The following SLC24A4 variants were observed in gnomAD, a reference collection of about 807,000 sequenced individuals.
The protein encoded by SLC24A4 is solute carrier family 24 member 4.
Under a neutral mutation model 79.0 loss-of-function variants are expected in SLC24A4, and 53 were observed. That is an observed-to-expected ratio of 0.67 (90% CI 0.54 to 0.84). SLC24A4 has a LOEUF of 0.84. Among genes scored for constraint, SLC24A4 ranks in the 40% least tolerant of loss-of-function variants. The probability of loss-of-function intolerance (pLI) is 0.00; values close to 1 mark genes in which losing one functional copy is unlikely to be tolerated. For missense variants in SLC24A4, 731 were observed against 822.0 expected (o/e 0.89, Z 1.35); for synonymous variants, 323 against 323.8 (o/e 1.00, Z 0.03).
chr14:92,469,991 G>A (rs1266000736), intron 12 of SLC24A4, among the ~76,000 whole-genome samples: 2 of 152,208 alleles, frequency 1.3e-5, no homozygotes, highest in Non-Finnish European at 2.9e-5. Flanking sequence ...AGTGGTCATA[G>A]TTACACAACT....
chr14:92,359,343 A>G (rs1887363997), intron 2 of SLC24A4, among the ~76,000 whole-genome samples: 1 of 152,160 alleles, frequency 6.6e-6, no homozygotes, highest in Non-Finnish European at 1.5e-5. Context: ...TGGGAGGCCA[A>G]GGCAGGCGGA....
At chr14:92,428,556 A>G (rs1049698639) in intron 2 of SLC24A4, among the ~76,000 whole-genome samples, 18 of 152,220 alleles carry the variant, frequency 1.2e-4, no homozygotes, top group African/African-American at 3.9e-4. Context: ...ACCTGGATGG[A>G]TGGGAGGCCA....
At chr14:92,487,313 G>T (rs1895421829) in intron 14 of SLC24A4, among the ~76,000 whole-genome samples, 1 of 152,184 alleles carries the variant, frequency 6.6e-6, no homozygotes, top group Admixed American at 6.5e-5. Flanking sequence ...AACAAGTGCA[G>T]GTTTTACTGA....
At chr14:92,456,765 C>G (rs1893497938) in intron 12 of SLC24A4, among the ~76,000 whole-genome samples, 157 bp downstream of exon 12, 1 of 152,216 alleles carries the variant, frequency 6.6e-6, no homozygotes, top group South Asian at 2.1e-4. Flanking sequence ...GGAGGCGAAT[C>G]TGTCCTCAGT....
At chr14:92,432,080 G>A (rs1490589041) in intron 2 of SLC24A4, among the ~76,000 whole-genome samples, 4 of 152,168 alleles carry the variant, frequency 2.6e-5, no homozygotes, top group Admixed American at 6.5e-5. Context: ...GGATGGGTAC[G>A]GAGGATGGTG....
At chr14:92,483,015 TG>T (rs1895149151) in intron 13 of SLC24A4, among the ~76,000 whole-genome samples, 169 bp downstream of exon 13, 1 of 3,184 alleles carries the variant, frequency 3.1e-4, no homozygotes, top group South Asian at 0.17. Flanking sequence ...TGCATGACTC[TG>T]TGTCAGGTAC....
rs113184459 is a variant in SLC24A4 at position 92,396,639 on chromosome 14, G to A, written c.242-37273G>A. ...AAAACACACCTGCTGCTGCTTTGCCGCAACAGTTTACTTCTAGAGCATCTG... is the reference window on the plus strand; with the variant it reads ...AAAACACACCTGCTGCTGCTTTGCCACAACAGTTTACTTCTAGAGCATCTG... On this transcript the variant is annotated intron_variant, in intron 2 of 16. Transcript: ENST00000532405. Among the ~76,000 whole-genome samples the A allele has an allele frequency of 9.6e-3, 1,456 of 152,258 alleles. 19 individuals are homozygous for A. The highest frequency in any genetic ancestry group is 0.033 in the African/African-American group (1,361 of 41,532).
At chr14:92,341,406 T>G (rs1886134095) in intron 2 of SLC24A4, among the ~76,000 whole-genome samples, 2 of 152,132 alleles carry the variant, frequency 1.3e-5, no homozygotes, top group Non-Finnish European at 2.9e-5. Flanking sequence ...AGAAGCCCGG[T>G]GCCCAGAAAG....
At position 92,400,225 on chromosome 14, in the gene SLC24A4, G is replaced by C. The variant is rs145276987; in HGVS notation, c.242-33687G>C. Among the ~76,000 whole-genome samples, 330 of 152,272 alleles carry C rather than the reference G, an allele frequency of 2.2e-3. 9 individuals carry two copies. Among genetic ancestry groups the C allele is most frequent in the Admixed American group, 0.017 (253 of 15,298 alleles). On this transcript the variant is annotated intron_variant, in intron 2 of 16. Transcript: ENST00000532405. ...GGAGGCCAAGGCGGGCAGATCACGA[G>C]GTCAGGAGATCGAGAACATCCAGGC...
In SLC24A4 at chr14:92,441,385, A is replaced by T. The variant is rs1366595028; in HGVS notation, c.394-704A>T. Among the ~76,000 whole-genome samples the T allele has an allele frequency of 6.6e-6, 1 of 152,180 alleles. No individual in the cohort carries two copies. Among genetic ancestry groups the T allele is most frequent in the Non-Finnish European group, 1.5e-5 (1 of 68,026 alleles). On this transcript the variant is annotated intron_variant, in intron 4 of 16. Transcript: ENST00000532405. This position sits in a 1 kb window ranked among gnomAD's most constrained non-coding sequence, Gnocchi z 4.6. ...ACAGGCAGAACAGGCCCCAACCATG[A>T]GTTCCCGTCCTGTCCCGTGCCAGCT... is the stretch of plus-strand genomic sequence containing the variant.
Position 92,495,921 on chromosome 14 carries a change from C to T in SLC24A4, c.*2293C>T, listed in dbSNP as rs1895906853. ...CCTAATATCTGTCCCTATCCAATGC[C>T]TCTATTTTATCTTGAAAAAAGGACC... is the stretch of plus-strand genomic sequence containing the variant. On this transcript the variant is annotated 3_prime_UTR_variant, in exon 17 of 17. Coordinates refer to ENST00000532405, the MANE Select transcript of SLC24A4 (RefSeq NM_153646.4). The T allele has an allele frequency of 6.6e-6, 1 of 152,190 alleles. No homozygotes were observed. The highest frequency in any genetic ancestry group is 2.4e-5 in the African/African-American group (1 of 41,430). 9.4% of individuals were successfully genotyped at this position (152,190 alleles called of 1,614,324 possible).
intron 2 of SLC24A4, among the ~76,000 whole-genome samples, chr14:92,428,781 G>A (rs1294986971): frequency 2.0e-5 from 3 of 152,248 alleles, no homozygotes; most frequent in Admixed American, 6.5e-5. Flanking sequence ...GTCCCTTGGG[G>A]GGAGGGGACC....
Position 92,488,337 on chromosome 14 carries a change from G to T in SLC24A4, c.1537+1557G>T, listed in dbSNP as rs369616187. On this transcript the variant is annotated intron_variant, in intron 14 of 16. Coordinates refer to ENST00000532405, the MANE Select transcript of SLC24A4 (RefSeq NM_153646.4). Reference sequence around the variant, plus strand: ...TCCACCTGTCTCAGCCTCCCAAAGTGCTGGGATTACCAGCATGAGCCACTG... The same window carrying T: ...TCCACCTGTCTCAGCCTCCCAAAGTTCTGGGATTACCAGCATGAGCCACTG... 4.0e-4 allele frequency among the ~76,000 whole-genome samples: 61 copies of T among 152,170 alleles called. 1 individual carries two copies. In the South Asian group the frequency reaches 0.013, roughly 31 times the overall value.
intron 2 of SLC24A4, among the ~76,000 whole-genome samples, chr14:92,419,636 A>G (rs887906307): frequency 1.3e-5 from 2 of 152,252 alleles, no homozygotes; most frequent in Admixed American, 6.5e-5. Context: ...AGGGGTTACT[A>G]TTCATTAGAC....
chr14:92,345,960 A>C (rs939732567), intron 2 of SLC24A4, among the ~76,000 whole-genome samples: 1 of 152,068 alleles, frequency 6.6e-6, no homozygotes, highest in African/African-American at 2.4e-5. Context: ...TGATCAGGAG[A>C]TAGTGACTGG....
rs564191245 is a variant in SLC24A4, at chr14:92,459,411, C to G, written c.1255+2803C>G. On this transcript the variant is annotated intron_variant, in intron 12 of 16. Transcript: ENST00000532405. ...GCTCCTGGGTCCAGGTTCTCTGCACCCCTGAGTCCTCCTCTGAGGGGCTCT... is the reference window on the plus strand; with the variant it reads ...GCTCCTGGGTCCAGGTTCTCTGCACGCCTGAGTCCTCCTCTGAGGGGCTCT... 5.9e-5 allele frequency among the ~76,000 whole-genome samples: 9 copies of G among 152,228 alleles called. No homozygotes were observed. The East Asian group carries it at 1.7e-3, about 29-fold the overall frequency.
intron 13 of SLC24A4, chr14:92,484,377 C>T (rs994628459): frequency 8.2e-5 from 81 of 985,252 alleles, no homozygotes; most frequent in Non-Finnish European, 8.4e-5. Context: ...CTCCCCAAGA[C>T]ACCAGCTGGT....
At chr14:92,413,897 A>G (rs190643736) in intron 2 of SLC24A4, among the ~76,000 whole-genome samples, 158 of 152,342 alleles carry the variant, frequency 1.0e-3, no homozygotes, top group African/African-American at 3.7e-3. Flanking sequence ...CGACTGAATG[A>G]GACTTTAAGG....
rs551206469 is a variant in SLC24A4, at chr14:92,492,959, AACACACACACACACACACACACACACAC to A, written c.1717-485_1717-458del. On this transcript the variant is annotated intron_variant, in intron 16 of 16. Coordinates refer to ENST00000532405, the MANE Select transcript of SLC24A4 (RefSeq NM_153646.4). ...TTCCGTGCTTTAACCCTCTACCCCA[AACACACACACACACACACACACACACAC>A]ACACACACACACACACACACACACA... is the stretch of plus-strand genomic sequence containing the variant. 43 of 299,362 alleles carry A rather than the reference AACACACACACACACACACACACACACAC, an allele frequency of 1.4e-4. No individual in the cohort carries two copies. The East Asian group carries it at 1.5e-3, about 11-fold the overall frequency. 18.5% of individuals were successfully genotyped at this position (299,362 alleles called of 1,614,324 possible). A position where few individuals can be genotyped will look rare whatever the true frequency, so the allele number is the denominator to read the frequency against.
Sources: gnomAD v4.1 joint callset for allele counts (sites outside exome capture counted in the v4.1 genomes callset) on GRCh38, gnomAD v4.1.1 for gene constraint, Gnocchi (gnomAD v3.1) non-coding constraint, MANE v1.5 for transcripts, NCBI Gene and HGNC (gene_info 2026-07-23, HGNC 2026-07-21) for gene names.